Variants in ALCAM observed in about 807,000 individuals in gnomAD.
ALCAM encodes the protein activated leukocyte cell adhesion molecule, also known as CD166 antigen.
A neutral mutation model predicts 70.9 loss-of-function variants in ALCAM; 30 were observed. The ratio of observed to expected loss-of-function variants is 0.42; its 90% confidence interval spans 0.32 to 0.57. ALCAM has a LOEUF of 0.57. Ranked by LOEUF, ALCAM falls within the 20% of genes least tolerant of loss-of-function variation. The probability of loss-of-function intolerance (pLI) is 0.11; values close to 1 mark genes in which losing one functional copy is unlikely to be tolerated. For missense variants in ALCAM, 591 were observed against 695.1 expected, an observed-to-expected ratio of 0.85 and a Z score of 1.68; for synonymous variants, 249 against 242.5, an observed-to-expected ratio of 1.03 and a Z score of -0.25.
At chr3:105,494,138 A>G (rs1418408920) in intron 1 of ALCAM, among the ~76,000 whole-genome samples, 1 of 152,216 alleles carries the variant, frequency 6.6e-6, no homozygotes, top group Non-Finnish European at 1.5e-5. Flanking sequence ...TGCTGAAAAG[A>G]AGGGTCAATG....
chr3:105,403,329 G>A (rs1576138191), intron 1 of ALCAM, among the ~76,000 whole-genome samples: 1 of 152,066 alleles, frequency 6.6e-6, no homozygotes, highest in South Asian at 2.1e-4. Context: ...CACAACCAGG[G>A]ACCCTTATGG....
chr3:105,542,971 G>C (rs553744486), intron 8 of ALCAM, among the ~76,000 whole-genome samples: 1 of 151,870 alleles, frequency 6.6e-6, no homozygotes, highest in South Asian at 2.1e-4. Context: ...ATCCAGTCCT[G>C]TTCCATGAAA....
chr3:105,503,613 T>G (rs560007801), intron 1 of ALCAM, among the ~76,000 whole-genome samples: 3 of 152,322 alleles, frequency 2.0e-5, no homozygotes, highest in African/African-American at 7.2e-5. Context: ...AGCAAAAATC[T>G]GACCACTTCA....
intron 1 of ALCAM, among the ~76,000 whole-genome samples, chr3:105,493,263 C>A (rs185983290): frequency 1.3e-5 from 2 of 151,920 alleles, no homozygotes; most frequent in Admixed American, 1.3e-4. Flanking sequence ...TTATAAGAAT[C>A]TATAGGGGTA....
chr3:105,488,834 G>A (rs1297143617), intron 1 of ALCAM, among the ~76,000 whole-genome samples: 2 of 152,106 alleles, frequency 1.3e-5, no homozygotes, highest in African/African-American at 4.8e-5. Flanking sequence ...TGTGGTAAAC[G>A]GGTCGATTCA....
chr3:105,406,051 G>C (rs1024341558), intron 1 of ALCAM, among the ~76,000 whole-genome samples: 6 of 152,096 alleles, frequency 3.9e-5, no homozygotes, highest in Admixed American at 2.0e-4. Context: ...TACTTTCTAG[G>C]CTATATGTCT....
intron 1 of ALCAM, among the ~76,000 whole-genome samples, chr3:105,412,862 A>G (rs2107397984): frequency 6.6e-6 from 1 of 152,234 alleles, no homozygotes; most frequent in African/African-American, 2.4e-5. Flanking sequence ...TGGGTGTGTT[A>G]ATAGGAATAT....
intron 1 of ALCAM, among the ~76,000 whole-genome samples, chr3:105,484,136 A>G (rs1938353850): frequency 6.6e-6 from 1 of 151,956 alleles, no homozygotes; most frequent in Non-Finnish European, 1.5e-5. Flanking sequence ...GTAGACAAAT[A>G]TAGCCATTGT....
chr3:105,386,958 A>G lies in ALCAM; in HGVS notation c.73+19477A>G, dbSNP rs1336773304. The stretch of plus-strand genomic sequence containing the variant: ...ATTACCCAATAAATGTTATTTTTCC[A>G]ATAGTTTCAGCCTCACCCTACTTAA... On this transcript the variant is annotated intron_variant, in intron 1 of 15. Coordinates refer to ENST00000306107, the MANE Select transcript of ALCAM (RefSeq NM_001627.4). 4.6e-5 allele frequency among the ~76,000 whole-genome samples: 7 copies of G among 151,514 alleles called. No individual in the cohort carries two copies. In the East Asian group the frequency reaches 1.4e-3, roughly 29 times the overall value.
intron 1 of ALCAM, among the ~76,000 whole-genome samples, chr3:105,410,198 T>C (rs1204360474): frequency 6.6e-6 from 1 of 152,046 alleles, no homozygotes; most frequent in African/African-American, 2.4e-5. Flanking sequence ...CAGAACCACC[T>C]GACTACCCAT....
At chr3:105,504,294 C>T (rs1939003447) in intron 1 of ALCAM, among the ~76,000 whole-genome samples, 1 of 152,186 alleles carries the variant, frequency 6.6e-6, no homozygotes, top group Non-Finnish European at 1.5e-5. Context: ...CGTCTATAGG[C>T]GGCTTGTGTT....
chr3:105,434,156 A>C (rs1331556788), intron 1 of ALCAM, among the ~76,000 whole-genome samples: 1 of 152,172 alleles, frequency 6.6e-6, no homozygotes, highest in East Asian at 1.9e-4. Context: ...TTTCCCTTTT[A>C]AATTATTTGG....
intron 1 of ALCAM, among the ~76,000 whole-genome samples, chr3:105,513,118 A>T (rs1031396032): frequency 6.8e-6 from 1 of 146,126 alleles, no homozygotes; most frequent in Non-Finnish European, 1.5e-5. Flanking sequence ...ACAGAGCATG[A>T]AGTATTTTTA....
chr3:105,384,990 G>C (rs903814241), intron 1 of ALCAM, among the ~76,000 whole-genome samples: 2 of 151,436 alleles, frequency 1.3e-5, no homozygotes, highest in Non-Finnish European at 3.0e-5. Flanking sequence ...ATTAATCAAA[G>C]AGGCTACATG....
At chr3:105,560,997 C>T (rs1191127354) in intron 14 of ALCAM, among the ~76,000 whole-genome samples, 6 of 152,268 alleles carry the variant, frequency 3.9e-5, no homozygotes, top group Admixed American at 3.9e-4. Context: ...GATTTGACAA[C>T]TTACTAATAT....
At chr3:105,478,629 T>C (rs1340176567) in intron 1 of ALCAM, among the ~76,000 whole-genome samples, 1 of 152,142 alleles carries the variant, frequency 6.6e-6, no homozygotes, top group Non-Finnish European at 1.5e-5. Flanking sequence ...TTTTGAGCAG[T>C]TGTTTCTTAA....
rs749625480 is a variant in ALCAM, at chr3:105,563,667, C to CTTTTTTTTTTTTTTTTTT, written c.1665-8171_1665-8154dup. 1.3e-4 allele frequency among the ~76,000 whole-genome samples: 7 copies of CTTTTTTTTTTTTTTTTTT among 52,044 alleles called. 1 individual carries two copies. Among genetic ancestry groups the CTTTTTTTTTTTTTTTTTT allele is most frequent in the Admixed American group, 6.8e-4 (2 of 2,960 alleles). The allele number at this position is 52,044 out of a possible 152,430, so 34.1% of individuals were successfully genotyped here. ...GACCTGTATGAAATTCCAAGCATTT[C>CTTTTTTTTTTTTTTTTTT]TTTTTTTTTTTTTTTTTTTTTTTTT... On this transcript the variant is annotated intron_variant, in intron 14 of 15. Transcript: ENST00000306107.
chr3:105,537,233 A>G (rs554195341), intron 6 of ALCAM, among the ~76,000 whole-genome samples: 1 of 152,218 alleles, frequency 6.6e-6, no homozygotes, highest in Admixed American at 6.5e-5. Context: ...GCCTTCTGAC[A>G]CTGCCTACGT....
At chr3:105,395,276 T>G (rs1935922250) in intron 1 of ALCAM, among the ~76,000 whole-genome samples, 1 of 151,970 alleles carries the variant, frequency 6.6e-6, no homozygotes, top group African/African-American at 2.4e-5. Context: ...TTGTACAATC[T>G]TCAATGCAAC....
Sources: allele counts gnomAD v4.1 joint callset (sites outside exome capture counted in the v4.1 genomes callset), GRCh38; gene constraint gnomAD v4.1.1; transcripts MANE v1.5; gene names NCBI Gene and HGNC (gene_info 2026-07-23, HGNC 2026-07-21).